Variants in GTF3C3 observed in about 807,000 individuals in gnomAD.
The protein encoded by GTF3C3 is general transcription factor IIIC subunit 3.
Under a neutral mutation model 105.2 loss-of-function variants are expected in GTF3C3, and 75 were observed. That is an observed-to-expected ratio of 0.71 (90% CI 0.59 to 0.86). GTF3C3 has a LOEUF of 0.86. Among genes scored for constraint, GTF3C3 ranks in the 40% least tolerant of loss-of-function variants. The probability of loss-of-function intolerance (pLI) is 0.00; values close to 1 mark genes in which losing one functional copy is unlikely to be tolerated. For synonymous variants in GTF3C3, 335 were observed against 370.4 expected, an observed-to-expected ratio of 0.90 and a Z score of 1.10; for missense variants, 856 against 1,076.5, an observed-to-expected ratio of 0.80 and a Z score of 2.87.
chr2:196,799,476 G>A lies in GTF3C3; in HGVS notation c.102+34C>T, dbSNP rs1023642297. The A allele has an allele frequency of 5.3e-6, 8 of 1,506,180 alleles. No homozygotes were observed. The African/African-American group carries it at 5.5e-5, about 10-fold the overall frequency. The allele number at this position is 1,506,180 out of a possible 1,614,324, so 93.3% of individuals were successfully genotyped here. A position where few individuals can be genotyped will look rare whatever the true frequency, so the allele number is the denominator to read the frequency against. Reference sequence around the variant, plus strand: ...ACACCTAAGGGTATGAAGGCAACAAGAGTGAAGGGCACCGTGGCCTAGCAT... The same window carrying A: ...ACACCTAAGGGTATGAAGGCAACAAAAGTGAAGGGCACCGTGGCCTAGCAT... On this transcript the variant is annotated intron_variant, in intron 1 of 17. Transcript: ENST00000263956.
intron 1 of GTF3C3, 98 bp downstream of exon 1, chr2:196,799,412 C>G (rs1699707154): frequency 1.2e-6 from 1 of 864,920 alleles, no homozygotes; most frequent in Non-Finnish European, 1.9e-6. Flanking sequence ...AAGTTCCCAG[C>G]CCGCCCCATC....
At chr2:196,794,482 T>G (rs2125752095) in intron 2 of GTF3C3, among the ~76,000 whole-genome samples, 1 of 152,328 alleles carries the variant, frequency 6.6e-6, no homozygotes, top group East Asian at 1.9e-4. Flanking sequence ...TTTCCCAGGC[T>G]GGAGTGCAAT....
At position 196,778,927 on chromosome 2, in the gene GTF3C3, G is replaced by A. The variant is rs1699300234; in HGVS notation, c.1359C>T (p.Tyr453=). Reference sequence around the variant, plus strand: ...GACGAAGCCAAACTACTGCAAGGTTGTATCTTTCAGAGCAAACAAGAGCAC... The same window carrying A: ...GACGAAGCCAAACTACTGCAAGGTTATATCTTTCAGAGCAAACAAGAGCAC... ...LLSALVCSER[Y]NLAVVWLRHA... is the part of the protein sequence containing the mutation. Residue 453 remains tyrosine (Y), a synonymous_variant, in exon 10 of 18, where the codon TAC becomes TAT. Transcript: ENST00000263956. The A allele has an allele frequency of 6.2e-7, 1 of 1,614,040 alleles. No individual in the cohort carries two copies. Among genetic ancestry groups the A allele is most frequent in the Non-Finnish European group, 8.5e-7 (1 of 1,179,928 alleles).
intron 2 of GTF3C3, among the ~76,000 whole-genome samples, chr2:196,793,460 C>G (rs1699588150): frequency 1.3e-5 from 2 of 152,046 alleles, no homozygotes; most frequent in African/African-American, 4.8e-5. Context: ...AGACATAGAC[C>G]TAAGAACTAA....
intron 10 of GTF3C3, chr2:196,778,031 T>C (rs1161342158): frequency 6.6e-6 from 1 of 152,204 alleles, no homozygotes; most frequent in Non-Finnish European, 1.5e-5. Flanking sequence ...TCTTAATCAT[T>C]AAGTGCTCTC....
At chr2:196,792,270 C>T (rs538599874) in intron 3 of GTF3C3, among the ~76,000 whole-genome samples, 34 of 152,160 alleles carry the variant, frequency 2.2e-4, no homozygotes, top group Non-Finnish European at 4.4e-4. Context: ...CATCCTCCCA[C>T]CTCAGCCTCC....
intron 1 of GTF3C3, 80 bp from the exon 2 acceptor site, chr2:196,797,988 T>C (rs1249654526): frequency 1.2e-6 from 1 of 842,542 alleles, no homozygotes. Context: ...CTGGTTCTAG[T>C]CCTAGCTTTG....
At chr2:196,765,571 CTAT>C (rs1183246465) in intron 17 of GTF3C3, among the ~76,000 whole-genome samples, 14 of 148,962 alleles carry the variant, frequency 9.4e-5, no homozygotes, top group Non-Finnish European at 2.1e-4. Context: ...GCGTATACAC[CTAT>C]TTTTATATAT....
At chr2:196,794,592 C>T (rs1396027203) in intron 2 of GTF3C3, among the ~76,000 whole-genome samples, 11 of 152,088 alleles carry the variant, frequency 7.2e-5, no homozygotes, top group South Asian at 6.2e-4. Flanking sequence ...TGTGCCACCA[C>T]GCCCAGCTAA....
intron 3 of GTF3C3, among the ~76,000 whole-genome samples, chr2:196,792,242 C>T (rs13030736): frequency 1.3e-5 from 2 of 152,122 alleles, no homozygotes; most frequent in Admixed American, 6.5e-5. Context: ...ACTGCAGCCT[C>T]GACTTCCCGT....
At position 196,779,868 on chromosome 2, in the gene GTF3C3, G is replaced by A. The variant is rs552740629; in HGVS notation, c.1218+691C>T. 1.1e-4 allele frequency among the ~76,000 whole-genome samples: 16 copies of A among 151,860 alleles called. 1 individual carries two copies. The East Asian group carries it at 2.1e-3, about 20-fold the overall frequency. ...TAAATTTTTTGTATTTTTTGTAGGCGTAGGGTTTCACCATGTTGCCCAGGC... is the reference window on the plus strand; with the variant it reads ...TAAATTTTTTGTATTTTTTGTAGGCATAGGGTTTCACCATGTTGCCCAGGC... On this transcript the variant is annotated intron_variant, in intron 9 of 17. Transcript: ENST00000263956.
At position 196,766,647 on chromosome 2, in the gene GTF3C3, C is replaced by A; in HGVS notation, c.2456G>T (p.Arg819Leu). The change falls in exon 17 of 18, where the codon CGT becomes CTT. Residue 819 changes from arginine (R) to leucine (L), a missense_variant. Arg to Leu is a moderately radical substitution (Grantham distance 102). This residue lies in a region of GTF3C3 where 134 missense variants were observed against 128.9 expected (regional missense o/e 1.04). Coordinates refer to ENST00000263956, the MANE Select transcript of GTF3C3 (RefSeq NM_012086.5). ...PCQESFYNLG[R>L]GLHQLGLIHL... ...AATCAGCCCCAACTGATGAAGGCCA[C>A]GGCCCAAATTGTAGAATGATTCCTG... The A allele has an allele frequency of 3.7e-6, 6 of 1,612,972 alleles. No homozygotes were observed. Among genetic ancestry groups the A allele is most frequent in the Non-Finnish European group, 5.1e-6 (6 of 1,179,132 alleles).
intron 2 of GTF3C3, among the ~76,000 whole-genome samples, chr2:196,793,383 G>A (rs998169562): frequency 6.6e-6 from 1 of 151,994 alleles, no homozygotes; most frequent in African/African-American, 2.4e-5. Context: ...CAGATTTACA[G>A]GCAAAATTAA....
At chr2:196,768,299 G>A (rs1235946855) in intron 16 of GTF3C3, among the ~76,000 whole-genome samples, 1 of 152,176 alleles carries the variant, frequency 6.6e-6, no homozygotes, top group African/African-American at 2.4e-5. Context: ...GATTACAGGT[G>A]TAAGCCACTG....
Position 196,790,087 on chromosome 2 carries a change from A to G in GTF3C3, c.536-17T>C. The G allele has an allele frequency of 6.4e-7, 1 of 1,553,030 alleles. No individual in the cohort carries two copies. Among genetic ancestry groups the G allele is most frequent in the Non-Finnish European group, 8.7e-7 (1 of 1,146,468 alleles). ...CCAGAGGAGCTATAACAAATTAAAA[A>G]AATAAATTCCATTGGCTGAGAGAAG... On this transcript the variant is annotated splice_polypyrimidine_tract_variant and intron_variant, in intron 4 of 17. Transcript: ENST00000263956.
chr2:196,791,240 G>T, intron 4 of GTF3C3, 97 bp downstream of exon 4: 2 of 1,169,902 alleles, frequency 1.7e-6, no homozygotes, highest in South Asian at 1.5e-5. Flanking sequence ...TTAAGCTTCT[G>T]AACATATTTT....
rs774802080 is a variant in GTF3C3 at position 196,785,593 on chromosome 2, A to C, written c.894-5T>G. ...TCATTGGCTTCATAGTAACTCCTAA[A>C]AAAAAGTGGCAAAATGGATGAATAT... On this transcript the variant is annotated splice_polypyrimidine_tract_variant and splice_region_variant and intron_variant, in intron 6 of 17. Transcript: ENST00000263956. 2 of 1,584,566 alleles carry C rather than the reference A, an allele frequency of 1.3e-6. No individual in the cohort carries two copies. Among genetic ancestry groups the C allele is most frequent in the Admixed American group, 3.4e-5 (2 of 58,400 alleles).
At chr2:196,796,118 C>A (rs918264512) in intron 2 of GTF3C3, among the ~76,000 whole-genome samples, 1 of 151,880 alleles carries the variant, frequency 6.6e-6, no homozygotes, top group African/African-American at 2.4e-5. Flanking sequence ...TAGCTGACTG[C>A]CAAAGCTTGT....
At chr2:196,772,047 CCAA>C in intron 14 of GTF3C3, 109 bp from the exon 15 acceptor site, 1 of 685,748 alleles carries the variant, frequency 1.5e-6, no homozygotes, top group Non-Finnish European at 2.6e-6. Context: ...GTACCATCCT[CCAA>C]CAAGGAAAAG....
Sources: gnomAD v4.1 joint callset for allele counts (sites outside exome capture counted in the v4.1 genomes callset) on GRCh38, gnomAD v4.1.1 for gene constraint, gnomAD v4.1.1 regional missense constraint, MANE v1.5 for transcripts, NCBI Gene and HGNC (gene_info 2026-07-23, HGNC 2026-07-21) for gene names.